Variants in RET observed in about 807,000 individuals in gnomAD.
The protein encoded by RET is proto-oncogene tyrosine-protein kinase receptor Ret.
In RET, 19 loss-of-function variants were observed where a neutral mutation model predicts 118.3. The ratio of observed to expected loss-of-function variants is 0.16; its 90% CI spans 0.11 to 0.24. The LOEUF is 0.24. Among genes scored for constraint, RET ranks in the 10% least tolerant of loss-of-function variants. RET has a pLI of 1.00. For missense variants in RET, 1,219 were observed against 1,502.1 expected, an observed-to-expected ratio of 0.81 and a Z score of 3.12; for synonymous variants, 597 against 644.1, an observed-to-expected ratio of 0.93 and a Z score of 1.11.
intron 1 of RET, among the ~76,000 whole-genome samples, chr10:43,082,767 TGA>T (rs1837212965): frequency 6.6e-6 from 1 of 152,188 alleles, no homozygotes; most frequent in Non-Finnish European, 1.5e-5. Flanking sequence ...CTTGTGTTCC[TGA>T]GAGGGAAAAA....
rs2132842432 is a variant in RET at position 43,114,463 on chromosome 10, A to C, written c.1880-17A>C. On this transcript the variant is annotated splice_polypyrimidine_tract_variant and intron_variant, in intron 10 of 19. Coordinates refer to ENST00000355710, the MANE Select transcript of RET (RefSeq NM_020975.6). The surrounding 1 kb of genome is among the most constrained non-coding windows in gnomAD (Gnocchi z 4.6). Reference sequence around the variant, plus strand: ...AGCCTCTGGCGGTGCCAAGCCTCACACCACCCCCACCCACAGATCCACTGT... The same window carrying C: ...AGCCTCTGGCGGTGCCAAGCCTCACCCCACCCCCACCCACAGATCCACTGT... 6.2e-7 allele frequency: 1 copy of C among 1,604,516 alleles called. No homozygotes were observed. The highest frequency in any genetic ancestry group is 1.7e-5 in the Admixed American group (1 of 59,962).
Position 43,111,709 on chromosome 10 carries a change from T to C in RET, c.1522+244T>C, listed in dbSNP as rs535778084. The stretch of plus-strand genomic sequence containing the variant: ...AGTTTTTTGGTATAGGTGTGTTCCA[T>C]GCAACTTTTGCAGCTTCTCGAAAGA... On this transcript the variant is annotated intron_variant, in intron 7 of 19. Transcript: ENST00000355710. Among the ~76,000 whole-genome samples, 14 of 152,378 alleles carry C rather than the reference T, an allele frequency of 9.2e-5. No individual in the cohort carries two copies. In the South Asian group the frequency reaches 2.9e-3, roughly 32 times the overall value.
intron 2 of RET, among the ~76,000 whole-genome samples, chr10:43,101,832 G>A (rs1054246087): frequency 3.9e-5 from 6 of 152,266 alleles, no homozygotes; most frequent in Non-Finnish European, 8.8e-5. Flanking sequence ...GAGAATATGG[G>A]AAGAGCAGCT....
chr10:43,099,238 G>C (rs896313418), intron 1 of RET, among the ~76,000 whole-genome samples: 1 of 152,084 alleles, frequency 6.6e-6, no homozygotes, highest in African/African-American at 2.4e-5. Context: ...GGCCGGGCAC[G>C]GTGGCTCATA....
At chr10:43,097,651 G>A (rs770228435) in intron 1 of RET, among the ~76,000 whole-genome samples, 7 of 152,160 alleles carry the variant, frequency 4.6e-5, no homozygotes, top group Admixed American at 1.3e-4. Flanking sequence ...CTCCCACCCC[G>A]AGGGCACTGT....
rs771679592 is a variant in RET, at chr10:43,109,118, C to G, written c.1151C>G (p.Pro384Arg). ...VLVNDSDFQG[P>R]GAGVLLLHFN... is the part of the protein sequence containing the mutation. ...GTCAATGACTCAGACTTCCAGGGCC[C>G]AGGAGCGGGCGTCCTCTTGCTCCAC... is the stretch of plus-strand genomic sequence containing the variant. Residue 384 changes from proline to arginine, a missense_variant, in exon 6 of 20, where the codon CCA (proline) becomes CGA (arginine). By Grantham distance (103) the Pro-to-Arg change is moderately radical. Coordinates refer to ENST00000355710, the MANE Select transcript of RET (RefSeq NM_020975.6). 6.8e-6 allele frequency: 11 copies of G among 1,613,804 alleles called. No homozygotes were observed. The highest frequency in any genetic ancestry group is 3.3e-5 in the South Asian group (3 of 91,088).
At chr10:43,080,025 G>C (rs1837145374) in intron 1 of RET, among the ~76,000 whole-genome samples, 1 of 152,196 alleles carries the variant, frequency 6.6e-6, no homozygotes, top group Non-Finnish European at 1.5e-5. Context: ...CAAGCAGAGA[G>C]CAAATGGGGA....
chr10:43,125,192 A>G, intron 18 of RET, among the ~76,000 whole-genome samples: 1 of 152,246 alleles, frequency 6.6e-6, no homozygotes. Context: ...CAAGTCATGA[A>G]GAAACCAAGA....
chr10:43,126,439 C>T (rs1588880869), intron 18 of RET, 136 bp from the exon 19 acceptor site: 1 of 849,192 alleles, frequency 1.2e-6, no homozygotes, highest in South Asian at 1.4e-5. Flanking sequence ...TGGCCCTGGT[C>T]TCTTGGAGAG....
intron 1 of RET, among the ~76,000 whole-genome samples, chr10:43,099,484 C>G (rs1202669581): frequency 6.6e-6 from 1 of 151,168 alleles, no homozygotes; most frequent in Non-Finnish European, 1.5e-5. Context: ...GCATTCCAGC[C>G]TAGGCAACAA....
chr10:43,116,474 C>A (rs1458343876), intron 11 of RET, 110 bp from the exon 12 acceptor site: 1 of 1,358,208 alleles, frequency 7.4e-7, no homozygotes, highest in Non-Finnish European at 1.1e-6. Context: ...CGGTTCTCTG[C>A]ACATTGGAAC....
intron 8 of RET, 33 bp from the exon 9 acceptor site, chr10:43,112,820 C>A: frequency 6.3e-7 from 1 of 1,581,802 alleles, no homozygotes; most frequent in Non-Finnish European, 8.7e-7. Flanking sequence ...GGGGCTCCCA[C>A]ATGGGTGACA....
At position 43,113,682 on chromosome 10, in the gene RET, G is replaced by A. The variant is rs1188339370; in HGVS notation, c.1879+7G>A. 1 of 1,612,864 alleles carries A rather than the reference G, an allele frequency of 6.2e-7. No individual in the cohort carries two copies. The highest frequency in any genetic ancestry group is 8.5e-7 in the Non-Finnish European group (1 of 1,179,830). On this transcript the variant is annotated splice_region_variant and intron_variant, in intron 10 of 19. Coordinates refer to ENST00000355710, the MANE Select transcript of RET (RefSeq NM_020975.6). Reference sequence around the variant, plus strand: ...GAGCCCGAAGACATCCAGGGTGAGTGGGTGGCGGCCGGGACCACCACCACC... The same window carrying A: ...GAGCCCGAAGACATCCAGGGTGAGTAGGTGGCGGCCGGGACCACCACCACC...
At position 43,105,973 on chromosome 10, in the gene RET, C is replaced by T. The variant is rs1282424732; in HGVS notation, c.868-403C>T. On this transcript the variant is annotated intron_variant, in intron 4 of 19. Coordinates refer to ENST00000355710, the MANE Select transcript of RET (RefSeq NM_020975.6). ...CTGATGTACACCTGGCCTCGGAGCTCGGCTCTGCCGGCTGTTCCTGTGTGA... is the reference window on the plus strand; with the variant it reads ...CTGATGTACACCTGGCCTCGGAGCTTGGCTCTGCCGGCTGTTCCTGTGTGA... Among the ~76,000 whole-genome samples, 3 of 152,164 alleles carry T rather than the reference C, an allele frequency of 2.0e-5. No individual in the cohort carries two copies. In the South Asian group the frequency reaches 6.2e-4, roughly 31 times the overall value.
chr10:43,094,026 G>A (rs945441399), intron 1 of RET, among the ~76,000 whole-genome samples: 4 of 141,482 alleles, frequency 2.8e-5, no homozygotes, highest in African/African-American at 7.8e-5. Flanking sequence ...AAATGTATTC[G>A]TTGTACATGT....
At chr10:43,093,422 G>C (rs973967202) in intron 1 of RET, among the ~76,000 whole-genome samples, 1 of 152,096 alleles carries the variant, frequency 6.6e-6, no homozygotes, top group Non-Finnish European at 1.5e-5. Context: ...ATGGGGAAGA[G>C]TTGGGGACAA....
intron 5 of RET, among the ~76,000 whole-genome samples, chr10:43,107,671 C>A (rs1184672694): frequency 6.6e-6 from 1 of 151,872 alleles, no homozygotes; most frequent in Non-Finnish European, 1.5e-5. Flanking sequence ...GGATGAGTGA[C>A]CACAGCCTGG....
intron 6 of RET, 48 bp downstream of exon 6, chr10:43,109,278 G>GACATGGGGGC: frequency 6.3e-7 from 1 of 1,580,494 alleles, no homozygotes; most frequent in Non-Finnish European, 8.6e-7. Context: ...AAGGCCAAGG[G>GACATGGGGGC]ACATGGGGGC....
chr10:43,089,003 G>A (rs942906197), intron 1 of RET, among the ~76,000 whole-genome samples: 4 of 152,206 alleles, frequency 2.6e-5, no homozygotes, highest in African/African-American at 9.6e-5. Context: ...GCAGCCCAGA[G>A]CAGTCCCTTC....
Sources: gnomAD v4.1 joint callset for allele counts (sites outside exome capture counted in the v4.1 genomes callset) on GRCh38, gnomAD v4.1.1 for gene constraint, Gnocchi (gnomAD v3.1) non-coding constraint, MANE v1.5 for transcripts, NCBI Gene and HGNC (gene_info 2026-07-23, HGNC 2026-07-21) for gene names.